Variants in ADGRL2 observed in about 807,000 individuals in gnomAD.
The protein encoded by ADGRL2 is calcium-independent alpha-latrotoxin receptor 2.
Under a neutral mutation model 157.4 loss-of-function variants are expected in ADGRL2, and 44 were observed. The observed-to-expected ratio is 0.28, with a 90% CI of 0.22 to 0.36. The LOEUF (loss-of-function observed/expected upper bound fraction) is 0.36. ADGRL2 is among the 10% of genes least tolerant of loss of function. ADGRL2 has a pLI of 1.00. For missense variants in ADGRL2, 1,510 were observed against 1,768.9 expected (o/e 0.85, Z 2.63); for synonymous variants, 585 against 624.7 (o/e 0.94, Z 0.95).
chr1:81,332,049 T>G (rs922711244), intron 1 of ADGRL2, among the ~76,000 whole-genome samples: 1 of 152,126 alleles, frequency 6.6e-6, no homozygotes, highest in Non-Finnish European at 1.5e-5. Context: ...CCAAGTTGTA[T>G]TTTGACGTTT....
chr1:81,499,111 A>G (rs2078789737), intron 2 of ADGRL2, among the ~76,000 whole-genome samples: 1 of 152,248 alleles, frequency 6.6e-6, no homozygotes, highest in South Asian at 2.1e-4. Flanking sequence ...GGCATAACAC[A>G]TGAAGCTTGT....
At position 81,952,272 on chromosome 1, in the gene ADGRL2, C is replaced by T; in HGVS notation, c.1794+130C>T. The stretch of plus-strand genomic sequence containing the variant: ...TAGAAGCAAAATTTCTAATTTGGTT[C>T]ATTTTTCCAAGGAAGAATTACAGTT... On this transcript the variant is annotated intron_variant, in intron 9 of 23. Coordinates refer to ENST00000686636, the MANE Select transcript of ADGRL2 (RefSeq NM_001366006.2). 4.8e-6 allele frequency: 3 copies of T among 627,304 alleles called. No individual in the cohort carries two copies. The South Asian group carries it at 8.3e-5, about 17-fold the overall frequency. 38.9% of individuals were successfully genotyped at this position (627,304 alleles called of 1,614,324 possible).
At chr1:81,559,292 C>T (rs992364558) in intron 2 of ADGRL2, among the ~76,000 whole-genome samples, 1 of 152,100 alleles carries the variant, frequency 6.6e-6, no homozygotes, top group Admixed American at 6.6e-5. Flanking sequence ...TAGGTATACT[C>T]TAATCTTGGT....
At chr1:81,386,948 T>C (rs996766054) in intron 1 of ADGRL2, among the ~76,000 whole-genome samples, 58 of 152,310 alleles carry the variant, frequency 3.8e-4, no homozygotes, top group African/African-American at 1.3e-3. Context: ...GTATCCACTT[T>C]ACATTGTATG....
chr1:81,452,554 G>T (rs1319721673), intron 2 of ADGRL2, among the ~76,000 whole-genome samples: 3 of 152,188 alleles, frequency 2.0e-5, no homozygotes, highest in African/African-American at 7.2e-5. Flanking sequence ...CTACTGACTT[G>T]TAAGGGCTAA....
At chr1:81,456,598 A>G (rs1429095418) in intron 2 of ADGRL2, among the ~76,000 whole-genome samples, 1 of 151,906 alleles carries the variant, frequency 6.6e-6, no homozygotes, top group African/African-American at 2.4e-5. Context: ...GAACTTAGTC[A>G]TGTATTTGGC....
chr1:81,389,299 C>A (rs1173217772), intron 1 of ADGRL2, among the ~76,000 whole-genome samples: 3 of 152,100 alleles, frequency 2.0e-5, no homozygotes, highest in Admixed American at 6.6e-5. Context: ...ATAGAGATTA[C>A]ATTCCAGTCA....
Position 81,722,851 on chromosome 1 carries a change from G to A in ADGRL2, c.-143+23043G>A, listed in dbSNP as rs554519178. On this transcript the variant is annotated intron_variant, in intron 1 of 20. Transcript: ENST00000359929. ...TCCAGGTGGCTTTCCTGGGGGAAAT[G>A]CCTGGTAATTTTCCCAGAGGAATAT... 5.4e-5 allele frequency: 38 copies of A among 705,158 alleles called. No homozygotes were observed. The East Asian group carries it at 8.7e-4, about 16-fold the overall frequency. The allele number at this position is 705,158 out of a possible 1,614,324, so 43.7% of individuals were successfully genotyped here. A position where few individuals can be genotyped will look rare whatever the true frequency, so the allele number is the denominator to read the frequency against.
At chr1:81,989,163 T>C (rs1411475380) in intron 23 of ADGRL2, among the ~76,000 whole-genome samples, 2 of 152,176 alleles carry the variant, frequency 1.3e-5, no homozygotes, top group Non-Finnish European at 2.9e-5. Flanking sequence ...TGTTACCATG[T>C]TTTATTTCCC....
chr1:81,423,911 C>T (rs2077168309), intron 1 of ADGRL2, among the ~76,000 whole-genome samples: 1 of 152,194 alleles, frequency 6.6e-6, no homozygotes, highest in Non-Finnish European at 1.5e-5. Flanking sequence ...ACTGACCAAT[C>T]TTGCTCACTC....
intron 1 of ADGRL2, among the ~76,000 whole-genome samples, chr1:81,411,095 G>C (rs1223892760): frequency 6.6e-6 from 1 of 152,192 alleles, no homozygotes; most frequent in African/African-American, 2.4e-5. Flanking sequence ...GATTGGAGGA[G>C]TAATTCAAAT....
intron 3 of ADGRL2, among the ~76,000 whole-genome samples, chr1:81,607,851 T>C (rs1256620924): frequency 2.0e-5 from 3 of 152,176 alleles, no homozygotes; most frequent in African/African-American, 7.2e-5. Context: ...ACTTCTGATG[T>C]TTTATTTGCA....
Position 81,588,002 on chromosome 1 carries a change from A to G in ADGRL2, c.-143+7022A>G, listed in dbSNP as rs1177975042. Among the ~76,000 whole-genome samples the G allele has an allele frequency of 3.9e-5, 6 of 152,144 alleles. No homozygotes were observed. In the East Asian group the frequency reaches 9.6e-4, roughly 24 times the overall value. ...TGGGTGCTTAAGTCAGAATCCCTAG[A>G]AGCAGGGACCAAGAGTAAAGTTGTT... On this transcript the variant is annotated intron_variant, in intron 3 of 24. Coordinates refer to the ADGRL2 transcript ENST00000370721.
chr1:81,681,697 C>G (rs1033915922), intron 3 of ADGRL2, among the ~76,000 whole-genome samples: 1 of 152,134 alleles, frequency 6.6e-6, no homozygotes. Context: ...TTAGTTCAGC[C>G]TTGAGAAGGG....
rs576922716 is a variant in ADGRL2 at position 81,414,739 on chromosome 1, A to G, written c.-301-30297A>G. On this transcript the variant is annotated intron_variant, in intron 1 of 24. Coordinates refer to the ADGRL2 transcript ENST00000370721. ...TTTAACAGCTGCTGAGTCTCATAGC[A>G]GACTCTGGCTGTATTTTGGTGATGG... Among the ~76,000 whole-genome samples, 21 of 152,358 alleles carry G rather than the reference A, an allele frequency of 1.4e-4. No individual in the cohort carries two copies. In the South Asian group the frequency reaches 4.1e-3, roughly 30 times the overall value.
intron 2 of ADGRL2, among the ~76,000 whole-genome samples, chr1:81,490,523 AC>A (rs2078609826): frequency 6.6e-6 from 1 of 152,224 alleles, no homozygotes; most frequent in Non-Finnish European, 1.5e-5. Flanking sequence ...TAAATAGTGT[AC>A]CCAAATAGTG....
intron 2 of ADGRL2, among the ~76,000 whole-genome samples, chr1:81,572,088 C>A (rs2080706538): frequency 6.6e-6 from 1 of 152,156 alleles, no homozygotes; most frequent in South Asian, 2.1e-4. Flanking sequence ...ACATTGACTT[C>A]AAATAGACTG....
At chr1:81,859,278 T>A (rs977014799) in intron 2 of ADGRL2, among the ~76,000 whole-genome samples, 1 of 152,280 alleles carries the variant, frequency 6.6e-6, no homozygotes, top group African/African-American at 2.4e-5. Context: ...TTAAATCGTG[T>A]CAATTCAGTG....
chr1:81,472,557 G>C (rs1309367012), intron 2 of ADGRL2, among the ~76,000 whole-genome samples: 1 of 152,106 alleles, frequency 6.6e-6, no homozygotes, highest in African/African-American at 2.4e-5. Flanking sequence ...CTTGAACCAG[G>C]GAGGTGGGGG....
Sources: allele counts gnomAD v4.1 joint callset (sites outside exome capture counted in the v4.1 genomes callset), GRCh38; gene constraint gnomAD v4.1.1; transcripts MANE v1.5; gene names NCBI Gene and HGNC (gene_info 2026-07-23, HGNC 2026-07-21).